FANCL: variants seen among roughly 807,000 people sequenced by gnomAD.
The protein encoded by FANCL is FA complementation group L, also known as E3 ubiquitin-protein ligase FANCL.
Under a neutral mutation model 59.4 loss-of-function variants are expected in FANCL, and 69 were observed. The ratio of observed to expected loss-of-function variants is 1.16; its 90% confidence interval spans 0.96 to 1.42. The LOEUF (loss-of-function observed/expected upper bound fraction) is 1.42. Among genes scored for constraint, FANCL ranks in the 40% most tolerant of loss-of-function variants. The pLI is 0.00. For synonymous variants in FANCL, 180 were observed against 147.1 expected (o/e 1.22, Z -1.62); for missense variants, 519 against 447.2 (o/e 1.16, Z -1.45).
chr2:58,223,697 A>G (rs1324934756), intron 4 of FANCL, among the ~76,000 whole-genome samples: 1 of 152,006 alleles, frequency 6.6e-6, no homozygotes, highest in East Asian at 1.9e-4. Flanking sequence ...CTTAGGCTTC[A>G]GTGGCTCAGC....
At chr2:58,169,113 GCC>G (rs1180489804) in intron 7 of FANCL, among the ~76,000 whole-genome samples, 2 of 152,136 alleles carry the variant, frequency 1.3e-5, no homozygotes, top group African/African-American at 4.8e-5. Context: ...GGGACAGACT[GCC>G]TCCTCAAGCA....
At chr2:58,199,681 T>C (rs1183686355) in intron 6 of FANCL, among the ~76,000 whole-genome samples, 3 of 152,154 alleles carry the variant, frequency 2.0e-5, no homozygotes, top group Non-Finnish European at 4.4e-5. Flanking sequence ...ATTTCCTTAT[T>C]AGAGAATCAT....
chr2:58,161,049 G>A (rs572061771), intron 12 of FANCL, among the ~76,000 whole-genome samples: 1 of 152,054 alleles, frequency 6.6e-6, no homozygotes, highest in South Asian at 2.1e-4. Context: ...GATCACAAAA[G>A]GCATTCTTCT....
chr2:58,169,696 T>C (rs115593449), intron 7 of FANCL, among the ~76,000 whole-genome samples: 3,523 of 151,920 alleles, frequency 0.023, 139 homozygotes, highest in African/African-American at 0.08. Flanking sequence ...AACCAGGTTA[T>C]AGAAGAACAT....
At chr2:58,239,555 A>G (rs573799665) in intron 1 of FANCL, among the ~76,000 whole-genome samples, 2 of 152,356 alleles carry the variant, frequency 1.3e-5, no homozygotes, top group Non-Finnish European at 2.9e-5. Context: ...ATGGGGGTAT[A>G]AAACATACAA....
At chr2:58,233,093 C>T (rs1007562048) in intron 1 of FANCL, among the ~76,000 whole-genome samples, 1 of 152,016 alleles carries the variant, frequency 6.6e-6, no homozygotes, top group Admixed American at 6.6e-5. Context: ...AAATGTACTA[C>T]TGACCTTTTC....
intron 5 of FANCL, among the ~76,000 whole-genome samples, chr2:58,221,030 G>A (rs1232233704): frequency 6.6e-6 from 1 of 151,950 alleles, no homozygotes; most frequent in Non-Finnish European, 1.5e-5. Flanking sequence ...TGGCTAACAC[G>A]GTGAAACCCC....
chr2:58,164,296 A>C (rs371862623), intron 8 of FANCL, among the ~76,000 whole-genome samples: 2 of 152,080 alleles, frequency 1.3e-5, no homozygotes, highest in East Asian at 3.8e-4. Flanking sequence ...CTGTAGAATA[A>C]GCCTTTCACT....
intron 5 of FANCL, among the ~76,000 whole-genome samples, chr2:58,216,960 T>A (rs1691783463): frequency 6.6e-6 from 1 of 151,280 alleles, no homozygotes; most frequent in African/African-American, 2.4e-5. Flanking sequence ...TACAGCTTTT[T>A]AAATATTTTT....
At chr2:58,205,076 T>G (rs867787520) in intron 5 of FANCL, among the ~76,000 whole-genome samples, 1 of 152,068 alleles carries the variant, frequency 6.6e-6, no homozygotes, top group African/African-American at 2.4e-5. Flanking sequence ...AGATAAAAAG[T>G]AGTCTAAGAG....
chr2:58,205,416 T>C (rs1690487125), intron 5 of FANCL, among the ~76,000 whole-genome samples: 1 of 152,090 alleles, frequency 6.6e-6, no homozygotes, highest in South Asian at 2.1e-4. Flanking sequence ...CTATATTTTC[T>C]TTCAGCTATA....
chr2:58,198,033 G>C (rs1689601921), intron 7 of FANCL, among the ~76,000 whole-genome samples: 1 of 151,696 alleles, frequency 6.6e-6, no homozygotes, highest in Non-Finnish European at 1.5e-5. Flanking sequence ...TGGATGGTGT[G>C]TGTGTGTGTG....
intron 1 of FANCL, among the ~76,000 whole-genome samples, chr2:58,236,029 C>G (rs556201812): frequency 2.8e-4 from 38 of 138,150 alleles, no homozygotes; most frequent in Admixed American, 2.1e-3. Context: ...GTGCCCAACA[C>G]AGAGGACAGA....
intron 5 of FANCL, among the ~76,000 whole-genome samples, chr2:58,206,345 T>C (rs1690580757): frequency 6.6e-6 from 1 of 152,136 alleles, no homozygotes; most frequent in African/African-American, 2.4e-5. Flanking sequence ...AACATGGAAG[T>C]TGTAAACATG....
chr2:58,170,482 C>T (rs1406296888), intron 7 of FANCL, among the ~76,000 whole-genome samples: 6 of 152,032 alleles, frequency 3.9e-5, no homozygotes, highest in African/African-American at 1.5e-4. Context: ...CATCAACTAA[C>T]AAAATAACCA....
chr2:58,166,590 G>GT lies in FANCL; in HGVS notation c.541-717dup, dbSNP rs539801877. Among the ~76,000 whole-genome samples, 3 of 152,236 alleles carry GT rather than the reference G, an allele frequency of 2.0e-5. No individual in the cohort carries two copies. In the South Asian group the frequency reaches 6.2e-4, roughly 32 times the overall value. On this transcript the variant is annotated intron_variant, in intron 7 of 13. Transcript: ENST00000233741. ...AAGGAGTTTCTCATGAAACAATGTGGTATGTTTAAAAGATACAACTGCTTA... is the reference window on the plus strand; with the variant it reads ...AAGGAGTTTCTCATGAAACAATGTGGTTATGTTTAAAAGATACAACTGCTTA...
chr2:58,190,108 T>C (rs1464693620), intron 7 of FANCL, among the ~76,000 whole-genome samples: 4 of 152,098 alleles, frequency 2.6e-5, no homozygotes, highest in Admixed American at 6.6e-5. Flanking sequence ...GCTTCATTGA[T>C]GTTTTCAACT....
intron 7 of FANCL, among the ~76,000 whole-genome samples, chr2:58,182,232 A>G (rs1187976152): frequency 2.0e-5 from 3 of 151,862 alleles, no homozygotes; most frequent in Non-Finnish European, 2.9e-5. Flanking sequence ...GAACTTAAAC[A>G]TTAATATACA....
At chr2:58,240,903 A>G (rs1202798301) in intron 1 of FANCL, among the ~76,000 whole-genome samples, 1 of 152,192 alleles carries the variant, frequency 6.6e-6, no homozygotes, top group African/African-American at 2.4e-5. Context: ...CAAAAAAAAA[A>G]TTAAAAAACA....
Sources: allele counts gnomAD v4.1 joint callset (sites outside exome capture counted in the v4.1 genomes callset), GRCh38; gene constraint gnomAD v4.1.1; transcripts MANE v1.5; gene names NCBI Gene and HGNC (gene_info 2026-07-23, HGNC 2026-07-21).